Variants in TENM1 observed in about 807,000 individuals in gnomAD.
TENM1 encodes teneurin-1.
Under a neutral mutation model 174.8 loss-of-function variants are expected in TENM1, and 35 were observed. The observed-to-expected ratio is 0.20, with a 90% CI of 0.15 to 0.27. The LOEUF (loss-of-function observed/expected upper bound fraction) is 0.27. Among genes scored for constraint, TENM1 ranks in the 10% least tolerant of loss-of-function variants. The pLI, the probability that TENM1 is intolerant of heterozygous loss-of-function variation, is 1.00. For synonymous variants in TENM1, 781 were observed against 798.7 expected, an observed-to-expected ratio of 0.98 and a Z score of 0.37; for missense variants, 1,633 against 2,130.1, an observed-to-expected ratio of 0.77 and a Z score of 4.59.
chrX:124,658,590 C>T (rs892766788), intron 6 of TENM1, among the ~76,000 whole-genome samples: 6 of 111,488 alleles, frequency 5.4e-5, no homozygotes, highest in Non-Finnish European at 9.4e-5. Flanking sequence ...CACACATAGG[C>T]CTTGGCAATT....
intron 15 of TENM1, 80 bp downstream of exon 18, chrX:124,546,794 C>T (rs1337998976): frequency 1.2e-6 from 1 of 830,645 alleles, no homozygotes; most frequent in East Asian, 3.1e-5. Context: ...GTAACCTGAT[C>T]CTTAGAAGAT....
intron 3 of TENM1, among the ~76,000 whole-genome samples, chrX:124,779,166 T>G (rs771725378): frequency 5.5e-4 from 62 of 112,095 alleles, no homozygotes; most frequent in Middle Eastern, 4.7e-3. Flanking sequence ...TAAAGTGTCT[T>G]GAGGGAAGGC....
intron 23 of TENM1, among the ~76,000 whole-genome samples, chrX:124,431,616 G>A (rs910412457): frequency 9.8e-5 from 11 of 112,046 alleles, no homozygotes; most frequent in Non-Finnish European, 2.1e-4. Context: ...TTCTTCAAAT[G>A]TATAAAAGAG....
chrX:124,955,797 G>GCACACACACA (rs376755403), intron 1 of TENM1, among the ~76,000 whole-genome samples: 122 of 91,243 alleles, frequency 1.3e-3, no homozygotes, highest in Admixed American at 1.9e-3. Flanking sequence ...ACACGCGCAC[G>GCACACACACA]CACACACACA....
intron 3 of TENM1, among the ~76,000 whole-genome samples, chrX:124,760,588 A>C (rs973899734): frequency 5.3e-4 from 59 of 112,112 alleles, no homozygotes; most frequent in African/African-American, 1.8e-3. Flanking sequence ...AACCAAAGAA[A>C]ACCCTAGAAG....
intron 3 of TENM1, among the ~76,000 whole-genome samples, chrX:124,774,442 A>G (rs1278079273): frequency 8.9e-6 from 1 of 111,849 alleles, no homozygotes; most frequent in African/African-American, 3.2e-5. Flanking sequence ...TAAACATTCT[A>G]GAAAAAGAAA....
chrX:125,020,852 C>G, the TENM1 span, among the ~76,000 whole-genome samples: 7 of 111,312 alleles, frequency 6.3e-5, no homozygotes, highest in Non-Finnish European at 1.1e-4. Context: ...TTCAACACAG[C>G]CTATGTTGTA....
intron 18 of TENM1, among the ~76,000 whole-genome samples, chrX:124,508,492 A>G (rs1287736850): frequency 8.9e-6 from 1 of 112,375 alleles, no homozygotes; most frequent in Non-Finnish European, 1.9e-5. Context: ...CCTTTCAGTG[A>G]ATCACTGGAT....
intron 3 of TENM1, among the ~76,000 whole-genome samples, chrX:124,769,819 T>C (rs2054615226): frequency 8.9e-6 from 1 of 111,761 alleles, no homozygotes; most frequent in Non-Finnish European, 1.9e-5. Context: ...GAGAAAAAAT[T>C]AGCCAAAGCA....
the TENM1 span, among the ~76,000 whole-genome samples, chrX:125,055,259 CAG>C: frequency 9.0e-6 from 1 of 111,484 alleles, no homozygotes; most frequent in African/African-American, 3.3e-5. Flanking sequence ...CTGAAGTTCA[CAG>C]AATTTGGGTA....
chrX:124,787,852 C>T (rs2055077828), intron 3 of TENM1, among the ~76,000 whole-genome samples: 1 of 112,102 alleles, frequency 8.9e-6, no homozygotes, highest in Non-Finnish European at 1.9e-5. Flanking sequence ...CTGTATTAGT[C>T]TGTTTTCACA....
At chrX:124,937,839 T>C (rs188172009) in intron 1 of TENM1, among the ~76,000 whole-genome samples, 6 of 112,129 alleles carry the variant, frequency 5.4e-5, no homozygotes, top group Admixed American at 2.8e-4. Flanking sequence ...CAGTATATTA[T>C]TTGTTATTGA....
chrX:124,834,598 C>A (rs2056356786), intron 3 of TENM1, among the ~76,000 whole-genome samples: 2 of 111,875 alleles, frequency 1.8e-5, no homozygotes, highest in South Asian at 7.5e-4. Flanking sequence ...TGGATCTATG[C>A]TCCCAAGTGC....
At chrX:124,982,515 AG>A in the TENM1 span, among the ~76,000 whole-genome samples, 1 of 111,501 alleles carries the variant, frequency 9.0e-6, no homozygotes, top group Admixed American at 9.6e-5. Context: ...GGGTATTTGA[AG>A]AAGACATCTC....
rs59942609 is a variant in TENM1, at chrX:124,700,873, T to C, written c.1015+4140A>G. ...TCAGCACTCTTTTACTCCACTGTAG[T>C]AAACCCCCAAAATAGGGCAATTTGG... On this transcript the variant is annotated intron_variant, in intron 5 of 31. Coordinates refer to ENST00000422452, the Ensembl canonical transcript of TENM1. Among the ~76,000 whole-genome samples, 765 of 111,216 alleles carry C rather than the reference T, an allele frequency of 6.9e-3. 8 individuals carry two copies. The highest frequency in any genetic ancestry group is 0.024 in the African/African-American group (731 of 30,642).
chrX:124,849,715 G>A (rs1207844925), intron 3 of TENM1, among the ~76,000 whole-genome samples: 1 of 111,562 alleles, frequency 9.0e-6, no homozygotes, highest in Non-Finnish European at 1.9e-5. Context: ...CTGATTCATA[G>A]CAACTGTGAG....
intron 22 of TENM1, among the ~76,000 whole-genome samples, chrX:124,461,941 CT>C (rs1404184960): frequency 9.0e-6 from 1 of 111,623 alleles, no homozygotes; most frequent in Non-Finnish European, 1.9e-5. Context: ...CTGATTTGAT[CT>C]TTACAAATTA....
Position 124,553,623 on chromosome X carries a change from T to TA in TENM1, c.2435-6534dup, listed in dbSNP as rs767529045. Among the ~76,000 whole-genome samples the TA allele has an allele frequency of 4.0e-3, 316 of 78,988 alleles. 2 individuals carry two copies. Among genetic ancestry groups the TA allele is most frequent in the East Asian group, 0.021 (54 of 2,621 alleles). 68.6% of individuals were successfully genotyped at this position (78,988 alleles called of 115,157 possible). A position where few individuals can be genotyped will look rare whatever the true frequency, so the allele number is the denominator to read the frequency against. On this transcript the variant is annotated intron_variant, in intron 14 of 31. Transcript: ENST00000422452. ...CAGCCTTTGGTAACCATCTTGCCTT[T>TA]AAAAAAAAAAAAAAAAAAAAACAAA...
intron 18 of TENM1, among the ~76,000 whole-genome samples, chrX:124,518,204 T>C (rs2047759648): frequency 1.8e-5 from 2 of 110,689 alleles, no homozygotes; most frequent in East Asian, 2.9e-4. Context: ...TATTGTCTAA[T>C]GTAGTCTGCA....
Sources: allele counts gnomAD v4.1 joint callset (sites outside exome capture counted in the v4.1 genomes callset), GRCh38; gene constraint gnomAD v4.1.1; transcripts MANE v1.5; gene names NCBI Gene and HGNC (gene_info 2026-07-23, HGNC 2026-07-21).